OR4K1: variants seen among roughly 807,000 people sequenced by gnomAD.
The protein encoded by OR4K1 is olfactory receptor 4K1.
A neutral mutation model predicts 14.4 loss-of-function variants in OR4K1; 16 were observed. The ratio of observed to expected loss-of-function variants is 1.11; its 90% CI spans 0.75 to 1.68. OR4K1 has a LOEUF of 1.68. OR4K1 is among the 40% of genes most tolerant of loss of function. The pLI, the probability that OR4K1 is intolerant of heterozygous loss-of-function variation, is 0.00. For missense variants in OR4K1, 548 were observed against 376.9 expected (o/e 1.45, Z -3.76); for synonymous variants, 181 against 133.1 (o/e 1.36, Z -2.48).
chr14:19,925,870 A>G, the OR4K1 span, among the ~76,000 whole-genome samples: 4 of 152,274 alleles, frequency 2.6e-5, no homozygotes, highest in African/African-American at 7.2e-5. Context: ...GTCACAGGAC[A>G]AGGAGGAAAG....
chr14:19,933,600 C>CT (rs1188748287), intron 1 of OR4K1, among the ~76,000 whole-genome samples: 80 of 149,884 alleles, frequency 5.3e-4, no homozygotes, highest in Admixed American at 1.3e-3. Context: ...TTTCTGCATT[C>CT]TTTTTTTTTT....
At chr14:19,933,852 T>C (rs1388771279) in intron 1 of OR4K1, among the ~76,000 whole-genome samples, 4 of 152,200 alleles carry the variant, frequency 2.6e-5, no homozygotes, top group African/African-American at 9.6e-5. Flanking sequence ...CCCAAAGTGC[T>C]GGGATTACAG....
At chr14:19,930,127 A>C (rs2138589011), upstream of OR4K1, among the ~76,000 whole-genome samples, 1 of 147,622 alleles carries the variant, frequency 6.8e-6, no homozygotes, top group Non-Finnish European at 1.5e-5. Context: ...CCACTCTCAA[A>C]TTTATATATA....
the OR4K1 span, chr14:19,920,481 G>T: frequency 1.6e-6 from 2 of 1,266,822 alleles, no homozygotes; most frequent in South Asian, 1.5e-5. Context: ...TTTGCATTCA[G>T]CAAATGCACA....
At chr14:19,921,051 T>C in the OR4K1 span, 1 of 1,614,214 alleles carries the variant, frequency 6.2e-7, no homozygotes, top group Non-Finnish European at 8.5e-7. Flanking sequence ...AATGATCTCC[T>C]GGGCTGTGAG....
chr14:19,933,381 T>G (rs1882229169), intron 1 of OR4K1, among the ~76,000 whole-genome samples: 1 of 152,220 alleles, frequency 6.6e-6, no homozygotes, highest in Non-Finnish European at 1.5e-5. Context: ...ACTATAGCTC[T>G]TTAGGAATTT....
chr14:19,923,361 A>G, the OR4K1 span, among the ~76,000 whole-genome samples: 1 of 152,116 alleles, frequency 6.6e-6, no homozygotes, highest in South Asian at 2.1e-4. Context: ...CTCATCTCTT[A>G]TTTTTCAGTG....
At chr14:19,924,425 A>AAAAAAAAAAAAAT in the OR4K1 span, among the ~76,000 whole-genome samples, 1 of 148,742 alleles carries the variant, frequency 6.7e-6, no homozygotes, top group Non-Finnish European at 1.5e-5. Context: ...AAAAAAAAAA[A>AAAAAAAAAAAAAT]AAGATAGCAT....
At chr14:19,932,795 C>A (rs1414629269) in intron 1 of OR4K1, among the ~76,000 whole-genome samples, 1 of 152,060 alleles carries the variant, frequency 6.6e-6, no homozygotes, top group Non-Finnish European at 1.5e-5. Flanking sequence ...TTATTTTGAG[C>A]ATTAAATGAG....
chr14:19,933,491 C>T (rs80063270), intron 1 of OR4K1, among the ~76,000 whole-genome samples: 499 of 152,234 alleles, frequency 3.3e-3, no homozygotes, highest in African/African-American at 0.011. Flanking sequence ...GCCAGCATTG[C>T]CCCAAATCTT....
At chr14:19,920,703 G>A in the OR4K1 span, 1 of 1,614,064 alleles carries the variant, frequency 6.2e-7, no homozygotes, top group Non-Finnish European at 8.5e-7. Flanking sequence ...TTTCTTCTCT[G>A]TGTTGTATAC....
chr14:19,927,484 A>C (rs1002058795), upstream of OR4K1, among the ~76,000 whole-genome samples: 1 of 152,234 alleles, frequency 6.6e-6, no homozygotes, highest in Non-Finnish European at 1.5e-5. Context: ...GTAGTCTGGG[A>C]GGGAAGAATG....
At chr14:19,925,456 C>T in the OR4K1 span, among the ~76,000 whole-genome samples, 1 of 152,216 alleles carries the variant, frequency 6.6e-6, no homozygotes, top group South Asian at 2.1e-4. Flanking sequence ...TAACATATTT[C>T]TCCCTGGCTA....
At position 19,935,825 on chromosome 14, in the gene OR4K1, C is replaced by G; in HGVS notation, c.159C>G (p.Ser53=). 3 of 1,614,180 alleles carry G rather than the reference C, an allele frequency of 1.9e-6. No homozygotes were observed. Among genetic ancestry groups the G allele is most frequent in the Non-Finnish European group, 2.5e-6 (3 of 1,180,028 alleles). ...TTATTGTCATTATTTCTTTTGACTC[C>G]CATTTGAACTCTCCTATGTACTTCT... The part of the protein sequence containing the change: ...VLIIVIISFD[S]HLNSPMYFLL... The change falls in exon 2 of 2, where the codon TCC becomes TCG. Residue 53 remains serine, a synonymous_variant. Coordinates refer to ENST00000641172, the MANE Select transcript of OR4K1 (RefSeq NM_001004063.3).
chr14:19,936,529 C>T lies in OR4K1; in HGVS notation c.863C>T (p.Ser288Phe), dbSNP rs751493836. Residue 288 changes from serine to phenylalanine, a missense_variant, in exon 2 of 2, where the codon TCT (serine) becomes TTT (phenylalanine). Transcript: ENST00000641172. ...CCCTTGTTGAACCCCATCATCTACT[C>T]TCTGAGGAATGAAGATGTTAAAGCA... ...CTPLLNPIIY[S>F]LRNEDVKAAM... 1 of 1,612,944 alleles carries T rather than the reference C, an allele frequency of 6.2e-7. No individual in the cohort carries two copies. The highest frequency in any genetic ancestry group is 8.5e-7 in the Non-Finnish European group (1 of 1,179,728).
chr14:19,924,868 A>G, the OR4K1 span, among the ~76,000 whole-genome samples: 19 of 152,352 alleles, frequency 1.2e-4, no homozygotes, highest in Admixed American at 3.9e-4. Flanking sequence ...TATTTAAGGG[A>G]AACTATTAAA....
Position 19,933,323 on chromosome 14 carries a change from C to T in OR4K1, c.-20+2178C>T, listed in dbSNP as rs531012239. Among the ~76,000 whole-genome samples the T allele has an allele frequency of 5.9e-5, 9 of 152,254 alleles. No individual in the cohort carries two copies. In the East Asian group the frequency reaches 1.5e-3, roughly 26 times the overall value. ...TAGGCTTTCCACAATGAGTCAAATGCTATAAGCAGTTCCTCATGGTGTCAA... is the reference window on the plus strand; with the variant it reads ...TAGGCTTTCCACAATGAGTCAAATGTTATAAGCAGTTCCTCATGGTGTCAA... On this transcript the variant is annotated intron_variant, in intron 1 of 1. Transcript: ENST00000641172.
chr14:19,933,185 C>T lies in OR4K1; in HGVS notation c.-20+2040C>T, dbSNP rs564901516. On this transcript the variant is annotated intron_variant, in intron 1 of 1. Coordinates refer to ENST00000641172, the MANE Select transcript of OR4K1 (RefSeq NM_001004063.3). ...ATAATGAACTGGTATATATTCTATA[C>T]CAATAGAAGTATAATCTAAATTTAT... Among the ~76,000 whole-genome samples, 7 of 151,602 alleles carry T rather than the reference C, an allele frequency of 4.6e-5. No homozygotes were observed. The East Asian group carries it at 1.4e-3, about 29-fold the overall frequency.
intron 1 of OR4K1, among the ~76,000 whole-genome samples, chr14:19,934,586 A>AG (rs1882260089): frequency 6.6e-6 from 1 of 152,284 alleles, no homozygotes; most frequent in Non-Finnish European, 1.5e-5. Flanking sequence ...TGACCTTCAG[A>AG]GAAATTTTCA....
Sources: allele counts gnomAD v4.1 joint callset (sites outside exome capture counted in the v4.1 genomes callset), GRCh38; gene constraint gnomAD v4.1.1; transcripts MANE v1.5; gene names NCBI Gene and HGNC (gene_info 2026-07-23, HGNC 2026-07-21).